The following FGFR1OP2 variants were observed in gnomAD, a reference collection of about 807,000 sequenced individuals.
FGFR1OP2 encodes the protein fibroblast growth factor receptor 1 oncogene partner 2.
In FGFR1OP2, 17 loss-of-function variants were observed where a neutral mutation model predicts 35.2. The observed-to-expected ratio is 0.48, with a 90% CI of 0.33 to 0.73. The LOEUF (loss-of-function observed/expected upper bound fraction) is 0.73, where lower values mean the gene tolerates loss of function less well. Ranked by LOEUF, FGFR1OP2 falls within the 30% of genes least tolerant of loss-of-function variation. The pLI is 0.02. For synonymous variants in FGFR1OP2, 105 were observed against 104.6 expected (o/e 1.00, Z -0.03); for missense variants, 251 against 307.3 (o/e 0.82, Z 1.37).
At chr12:26,956,739 C>A in intron 3 of FGFR1OP2, 79 bp downstream of exon 3, 1 of 690,022 alleles carries the variant, frequency 1.4e-6, no homozygotes, top group Non-Finnish European at 2.3e-6. Context: ...TTTATCCTGT[C>A]CCACATATGA....
intron 1 of FGFR1OP2, among the ~76,000 whole-genome samples, chr12:26,949,938 C>G (rs1938890460): frequency 6.6e-6 from 1 of 151,994 alleles, no homozygotes; most frequent in Non-Finnish European, 1.5e-5. Flanking sequence ...CAGTTTTTAT[C>G]TTCATGGATC....
At chr12:26,948,398 A>G (rs1180075404) in intron 1 of FGFR1OP2, among the ~76,000 whole-genome samples, 4 of 152,196 alleles carry the variant, frequency 2.6e-5, no homozygotes, top group Non-Finnish European at 5.9e-5. Flanking sequence ...TTCATATATG[A>G]AACATATTTT....
chr12:26,943,243 A>C (rs2136347334), intron 1 of FGFR1OP2, among the ~76,000 whole-genome samples: 1 of 152,130 alleles, frequency 6.6e-6, no homozygotes, highest in South Asian at 2.1e-4. Flanking sequence ...TTTTTCAAAA[A>C]TCCATTGGCC....
chr12:26,940,652 G>T (rs840869), intron 1 of FGFR1OP2, among the ~76,000 whole-genome samples: 4 of 152,040 alleles, frequency 2.6e-5, no homozygotes, highest in Admixed American at 2.6e-4. Context: ...TTTAAAGACA[G>T]ATCTGTGGTG....
intron 2 of FGFR1OP2, among the ~76,000 whole-genome samples, chr12:26,955,700 A>G (rs1381534728): frequency 1.2e-4 from 19 of 152,216 alleles, no homozygotes; most frequent in Non-Finnish European, 2.4e-4. Flanking sequence ...GATACAGCAC[A>G]TTGTGCTTAT....
At chr12:26,957,508 T>A in intron 3 of FGFR1OP2, 93 bp from the exon 4 acceptor site, 1 of 1,149,062 alleles carries the variant, frequency 8.7e-7, no homozygotes, top group Non-Finnish European at 1.2e-6. Context: ...GTTTTCTTTT[T>A]AAAATGTCCC....
intron 1 of FGFR1OP2, chr12:26,953,447 T>G (rs1022313287): frequency 3.3e-5 from 5 of 152,170 alleles, no homozygotes; most frequent in Non-Finnish European, 7.4e-5. Flanking sequence ...TCATATTTCT[T>G]TCAGCTACTC....
chr12:26,959,920 T>C (rs1038293315), intron 4 of FGFR1OP2, among the ~76,000 whole-genome samples: 61 of 151,974 alleles, frequency 4.0e-4, no homozygotes, highest in African/African-American at 1.5e-3. Flanking sequence ...TACTATAAGG[T>C]AGGGCGTGAT....
chr12:26,950,210 G>GTTGTTT (rs1938898224), intron 1 of FGFR1OP2, among the ~76,000 whole-genome samples: 1 of 29,744 alleles, frequency 3.4e-5, no homozygotes, highest in Admixed American at 3.7e-4. Context: ...TAATGTATTC[G>GTTGTTT]TTGTTTTTTT....
intron 1 of FGFR1OP2, among the ~76,000 whole-genome samples, chr12:26,946,880 GCC>G (rs1938832980): frequency 6.6e-6 from 1 of 152,006 alleles, no homozygotes; most frequent in Non-Finnish European, 1.5e-5. Flanking sequence ...TCTACTTTCA[GCC>G]TCTGTGGATT....
chr12:26,939,182 G>C (rs1361350186), intron 1 of FGFR1OP2, among the ~76,000 whole-genome samples: 3 of 151,984 alleles, frequency 2.0e-5, no homozygotes, highest in Non-Finnish European at 4.4e-5. Flanking sequence ...ATCCGAACTA[G>C]AAAACCAGGA....
rs540022980 is a variant in FGFR1OP2 at position 26,938,552 on chromosome 12, G to C, written c.-173G>C. The C allele has an allele frequency of 1.3e-5, 2 of 152,410 alleles. No homozygotes were observed. The highest frequency in any genetic ancestry group is 1.3e-4 in the Admixed American group (2 of 15,300). The allele number at this position is 152,410 out of a possible 1,614,324, so 9.4% of individuals were successfully genotyped here. A position where few individuals can be genotyped will look rare whatever the true frequency, so the allele number is the denominator to read the frequency against. ...TGGCGTTGAACGCCACTGGCTTCCC[G>C]GCCTTCCGTCCGCTGCCTCCGTCCG... On this transcript the variant is annotated 5_prime_UTR_variant, in exon 1 of 7. Coordinates refer to ENST00000229395, the MANE Select transcript of FGFR1OP2 (RefSeq NM_015633.3).
intron 1 of FGFR1OP2, among the ~76,000 whole-genome samples, chr12:26,946,858 G>A (rs1473565664): frequency 6.6e-6 from 1 of 152,084 alleles, no homozygotes; most frequent in African/African-American, 2.4e-5. Context: ...CTCAGTCCTA[G>A]ACATCCACTA....
At chr12:26,950,454 C>T (rs1408898268) in intron 1 of FGFR1OP2, among the ~76,000 whole-genome samples, 2 of 151,902 alleles carry the variant, frequency 1.3e-5, no homozygotes, top group Non-Finnish European at 2.9e-5. Flanking sequence ...TCTCGATCTC[C>T]TGACCTCGTG....
At chr12:26,948,459 A>G (rs1938864215) in intron 1 of FGFR1OP2, among the ~76,000 whole-genome samples, 1 of 152,214 alleles carries the variant, frequency 6.6e-6, no homozygotes, top group Non-Finnish European at 1.5e-5. Flanking sequence ...AGCATTTTGA[A>G]AGTGTTGTTC....
Position 26,954,306 on chromosome 12 carries a change from T to C in FGFR1OP2, c.135+13T>C, listed in dbSNP as rs1001853313. The C allele has an allele frequency of 2.2e-5, 35 of 1,582,820 alleles. No individual in the cohort carries two copies. The highest frequency in any genetic ancestry group is 2.9e-5 in the Non-Finnish European group (34 of 1,164,996). ...AGCCATGAAACAGGTTTGATTTTTC[T>C]TTCTTGTTCATTCCATTTATCAAAA... On this transcript the variant is annotated intron_variant, in intron 2 of 6. Coordinates refer to ENST00000229395, the MANE Select transcript of FGFR1OP2 (RefSeq NM_015633.3).
chr12:26,964,490 C>A, intron 6 of FGFR1OP2, 106 bp from the exon 7 acceptor site: 1 of 1,262,676 alleles, frequency 7.9e-7, no homozygotes, highest in Non-Finnish European at 1.1e-6. Flanking sequence ...ACAGACCTTG[C>A]TTGTTTGTTA....
chr12:26,957,703 A>G lies in FGFR1OP2; in HGVS notation c.356A>G (p.Asp119Gly), dbSNP rs562167202. The G allele has an allele frequency of 3.2e-5, 51 of 1,613,794 alleles. No individual in the cohort carries two copies. The South Asian group carries it at 5.1e-4, about 16-fold the overall frequency. The stretch of plus-strand genomic sequence containing the variant: ...TTGCTAATGGCTAGCAAAAAAGATG[A>G]TCCGGGTATAATAATGAAGTTAAAA... ...FRLLMASKKD[D>G]PGIIMKLKEQ... Residue 119 changes from aspartate (D) to glycine (G), a missense_variant, in exon 4 of 7, where the codon GAT (aspartate) becomes GGT (glycine). By Grantham distance (94) the Asp-to-Gly change is moderately conservative. Coordinates refer to ENST00000229395, the MANE Select transcript of FGFR1OP2 (RefSeq NM_015633.3).
chr12:26,952,868 A>G (rs1225920793), intron 1 of FGFR1OP2, among the ~76,000 whole-genome samples: 1 of 152,146 alleles, frequency 6.6e-6, no homozygotes, highest in Non-Finnish European at 1.5e-5. Context: ...ACTTCTGTAG[A>G]CGTGGCTTCT....
Sources: gnomAD v4.1 joint callset for allele counts (sites outside exome capture counted in the v4.1 genomes callset) on GRCh38, gnomAD v4.1.1 for gene constraint, MANE v1.5 for transcripts, NCBI Gene and HGNC (gene_info 2026-07-23, HGNC 2026-07-21) for gene names.